Variants in POU6F2 observed in about 807,000 individuals in gnomAD.
POU6F2 encodes POU class 6 homeobox 2.
A neutral mutation model predicts 71.3 loss-of-function variants in POU6F2; 31 were observed. The ratio of observed to expected loss-of-function variants is 0.43; its 90% CI spans 0.33 to 0.59. The LOEUF is 0.59. POU6F2 is among the 20% of genes least tolerant of loss of function. The pLI is 0.04. For missense variants in POU6F2, 783 were observed against 856.8 expected, an observed-to-expected ratio of 0.91 and a Z score of 1.07; for synonymous variants, 347 against 355.7, an observed-to-expected ratio of 0.98 and a Z score of 0.27.
chr7:39,423,678 C>G (rs1455035146), intron 6 of POU6F2, among the ~76,000 whole-genome samples: 1 of 152,134 alleles, frequency 6.6e-6, no homozygotes, highest in Non-Finnish European at 1.5e-5. Flanking sequence ...CTTAAAGCTT[C>G]GAGTATATGT....
intron 4 of POU6F2, among the ~76,000 whole-genome samples, chr7:39,306,609 T>C (rs577650424): frequency 6.6e-6 from 1 of 152,346 alleles, no homozygotes; most frequent in South Asian, 2.1e-4. Flanking sequence ...ATTGTAATTA[T>C]TGCCTTCGAG....
At chr7:39,397,255 G>A (rs1210917919) in intron 5 of POU6F2, among the ~76,000 whole-genome samples, 2 of 151,816 alleles carry the variant, frequency 1.3e-5, no homozygotes, top group East Asian at 3.9e-4. Flanking sequence ...TCTCAGGACT[G>A]AGTCACCAGA....
chr7:39,065,140 T>C (rs1175029821), intron 1 of POU6F2, among the ~76,000 whole-genome samples: 2 of 151,806 alleles, frequency 1.3e-5, no homozygotes, highest in African/African-American at 2.4e-5. Context: ...ATTTAAAAGC[T>C]GACCATAAAA....
intron 5 of POU6F2, 107 bp downstream of exon 5, chr7:39,340,122 T>C: frequency 7.2e-7 from 1 of 1,385,796 alleles, no homozygotes; most frequent in East Asian, 2.4e-5. Flanking sequence ...AGCATCCAGT[T>C]CTGCAGCATC....
chr7:39,223,739 C>T (rs970106549), intron 4 of POU6F2, among the ~76,000 whole-genome samples: 6 of 152,124 alleles, frequency 3.9e-5, no homozygotes, highest in Admixed American at 6.6e-5. Flanking sequence ...ATGTCAAGAA[C>T]GTGTCTGCCA....
intron 4 of POU6F2, among the ~76,000 whole-genome samples, chr7:39,311,595 G>C (rs574086193): frequency 6.6e-6 from 1 of 152,336 alleles, no homozygotes; most frequent in Non-Finnish European, 1.5e-5. Flanking sequence ...TAGTTAATTA[G>C]TGGATGGGTG....
chr7:39,227,324 T>G (rs1047401177), intron 4 of POU6F2, among the ~76,000 whole-genome samples: 1 of 152,154 alleles, frequency 6.6e-6, no homozygotes, highest in Non-Finnish European at 1.5e-5. Flanking sequence ...TCGTCTTTAT[T>G]TTTCTATTTT....
At chr7:39,366,108 T>C (rs1786494538) in intron 5 of POU6F2, among the ~76,000 whole-genome samples, 1 of 152,122 alleles carries the variant, frequency 6.6e-6, no homozygotes, top group Non-Finnish European at 1.5e-5. Context: ...AAGAATTGTT[T>C]AACCAGTAAC....
At chr7:39,103,554 G>A (rs1179084408) in intron 2 of POU6F2, among the ~76,000 whole-genome samples, 1 of 152,202 alleles carries the variant, frequency 6.6e-6, no homozygotes, top group Admixed American at 6.5e-5. Flanking sequence ...CCTAGAAAAT[G>A]TCCACTGGTT....
chr7:39,042,737 G>A (rs757870908), intron 1 of POU6F2, among the ~76,000 whole-genome samples: 3 of 152,080 alleles, frequency 2.0e-5, no homozygotes, highest in East Asian at 3.9e-4. Context: ...TCTCCAAGTG[G>A]TAAATGGATC....
At position 39,085,950 on chromosome 7, in the gene POU6F2, A is replaced by T. The variant is rs778167682; in HGVS notation, c.196A>T (p.Thr66Ser). ...AELRGEDKAATSDSELNEPLL... is the reference protein window; with the variant it reads ...AELRGEDKAASSDSELNEPLL... The stretch of plus-strand genomic sequence containing the variant: ...GTTGAGAGGTGAGGACAAGGCTGCT[A>T]CTTCAGACAGCGAGCTGAATGAGCC... Residue 66 changes from threonine to serine, a missense_variant, in exon 2 of 10, where the codon ACT becomes TCT. Around this residue, in one of 2 missense-constraint regions of POU6F2, gnomAD observed 572 missense variants for 572.9 expected, o/e 1.00. Transcript: ENST00000518318. 8.7e-6 allele frequency: 14 copies of T among 1,613,640 alleles called. No homozygotes were observed. Among genetic ancestry groups the T allele is most frequent in the Middle Eastern group, 1.6e-4 (1 of 6,084 alleles).
At chr7:39,297,192 C>T (rs1258027842) in intron 4 of POU6F2, among the ~76,000 whole-genome samples, 1 of 82,632 alleles carries the variant, frequency 1.2e-5, no homozygotes, top group Non-Finnish European at 2.3e-5. Flanking sequence ...AACACACATA[C>T]ACATACACAC....
At chr7:39,016,143 T>C (rs1381171749) in intron 1 of POU6F2, among the ~76,000 whole-genome samples, 1 of 108,638 alleles carries the variant, frequency 9.2e-6, no homozygotes, top group Non-Finnish European at 1.8e-5. Context: ...ACATTATATC[T>C]ATATTATATA....
chr7:39,006,721 T>C (rs369455157), intron 1 of POU6F2: 8 of 906,194 alleles, frequency 8.8e-6, no homozygotes, highest in African/African-American at 4.9e-5. Context: ...CTTTGCAATG[T>C]CATCATTTAA....
chr7:39,227,551 CTTT>C (rs34830334), intron 4 of POU6F2, among the ~76,000 whole-genome samples: 3 of 108,996 alleles, frequency 2.8e-5, no homozygotes, highest in African/African-American at 6.7e-5. Context: ...ACATTGGTAC[CTTT>C]TTTTTTTTTT....
At chr7:39,276,305 T>C (rs1222561764) in intron 4 of POU6F2, among the ~76,000 whole-genome samples, 1 of 152,162 alleles carries the variant, frequency 6.6e-6, no homozygotes, top group Non-Finnish European at 1.5e-5. Context: ...GAAAATATGC[T>C]CACCATCACT....
At chr7:39,442,322 G>A (rs142479464) in intron 7 of POU6F2, among the ~76,000 whole-genome samples, 173 of 152,266 alleles carry the variant, frequency 1.1e-3, no homozygotes, top group Non-Finnish European at 2.0e-3. Context: ...ACAGCAGTAC[G>A]TGCCATGAGG....
At chr7:39,278,383 G>A (rs570222670) in intron 4 of POU6F2, among the ~76,000 whole-genome samples, 14 of 152,148 alleles carry the variant, frequency 9.2e-5, no homozygotes, top group Admixed American at 4.6e-4. Flanking sequence ...GGGAGTTGGC[G>A]CACCTGGTTT....
chr7:39,422,613 G>A (rs1250206890), intron 6 of POU6F2, among the ~76,000 whole-genome samples: 1 of 152,178 alleles, frequency 6.6e-6, no homozygotes, highest in Non-Finnish European at 1.5e-5. Context: ...GACTAAAGAT[G>A]TGCAGAGGTT....
Sources: gnomAD v4.1 joint callset for allele counts (sites outside exome capture counted in the v4.1 genomes callset) on GRCh38, gnomAD v4.1.1 for gene constraint, gnomAD v4.1.1 regional missense constraint, MANE v1.5 for transcripts, NCBI Gene and HGNC (gene_info 2026-07-23, HGNC 2026-07-21) for gene names.